CDC42BPA: variants seen among roughly 807,000 people sequenced by gnomAD.
The protein encoded by CDC42BPA is CDC42 binding protein kinase alpha, also known as serine/threonine-protein kinase MRCK alpha.
Under a neutral mutation model 223.5 loss-of-function variants are expected in CDC42BPA, and 80 were observed. The observed-to-expected ratio is 0.36, with a 90% CI of 0.30 to 0.43. The LOEUF is 0.43. Ranked by LOEUF, CDC42BPA falls within the 20% of genes least tolerant of loss-of-function variation. The probability of loss-of-function intolerance (pLI) is 1.00; values close to 1 mark genes in which losing one functional copy is unlikely to be tolerated. For synonymous variants in CDC42BPA, 694 were observed against 718.6 expected (o/e 0.97, Z 0.55); for missense variants, 1,743 against 2,099.9 (o/e 0.83, Z 3.32).
At chr1:227,193,674 T>G (rs1306141317) in intron 5 of CDC42BPA, 112 bp downstream of exon 5, 1 of 881,498 alleles carries the variant, frequency 1.1e-6, no homozygotes, top group Non-Finnish European at 1.7e-6. Flanking sequence ...TTTTTTTTGG[T>G]TGACGATAAA....
intron 2 of CDC42BPA, among the ~76,000 whole-genome samples, chr1:227,232,582 G>A (rs1222010914): frequency 6.6e-6 from 1 of 152,194 alleles, no homozygotes; most frequent in African/African-American, 2.4e-5. Flanking sequence ...GTGATGTACA[G>A]ATGGGGTTTT....
At position 226,994,287 on chromosome 1, in the gene CDC42BPA, C is replaced by T. The variant is rs369792934; in HGVS notation, c.5246G>A (p.Arg1749His). 1.0e-4 allele frequency: 162 copies of T among 1,587,202 alleles called. No homozygotes were observed. Among genetic ancestry groups the T allele is most frequent in the South Asian group, 7.2e-4 (63 of 87,590 alleles). ...GGCAGCTCACGGGTCCCAGCTCCCG[C>T]GGTCAGTGCTCTCCAGGGAGAGGCT... ...TKSLSLESTD[R>H]GSWDP Residue 1749 changes from arginine (R) to histidine (H), a missense_variant, in exon 37 of 37, where the codon CGC (arginine) becomes CAC (histidine). Physicochemically the swap from Arg to His is conservative, Grantham distance 29. Transcript: ENST00000366766. The surrounding 1 kb of genome is among the most constrained non-coding windows in gnomAD (Gnocchi z 4.0).
intron 2 of CDC42BPA, among the ~76,000 whole-genome samples, chr1:227,224,237 T>G (rs1319088126): frequency 1.4e-5 from 1 of 69,472 alleles, no homozygotes; most frequent in Non-Finnish European, 2.9e-5. Flanking sequence ...GTTTCTTCCT[T>G]TTTTTTTTTT....
intron 30 of CDC42BPA, among the ~76,000 whole-genome samples, chr1:227,027,099 A>G (rs1466860376): frequency 6.6e-6 from 1 of 152,150 alleles, no homozygotes; most frequent in Non-Finnish European, 1.5e-5. Flanking sequence ...ACCTAAGACC[A>G]TATTTTTCAG....
intron 2 of CDC42BPA, among the ~76,000 whole-genome samples, chr1:227,249,228 T>A (rs990545928): frequency 2.0e-5 from 3 of 152,200 alleles, no homozygotes; most frequent in Non-Finnish European, 4.4e-5. Context: ...TGGATAACCA[T>A]ATGCAGAAGA....
At chr1:227,079,283 G>A (rs532997505) in intron 17 of CDC42BPA, among the ~76,000 whole-genome samples, 4 of 152,202 alleles carry the variant, frequency 2.6e-5, no homozygotes, top group South Asian at 4.1e-4. Flanking sequence ...TGTATAGTGA[G>A]TGTTTTGTGG....
chr1:227,160,691 G>C (rs1663715112), intron 5 of CDC42BPA, 55 bp from the exon 6 acceptor site: 6 of 943,974 alleles, frequency 6.4e-6, no homozygotes, highest in Non-Finnish European at 9.8e-6. Context: ...TTCATTGTTT[G>C]GTAAGATATT....
chr1:227,137,065 T>C (rs1176126189), intron 10 of CDC42BPA, among the ~76,000 whole-genome samples: 1 of 152,144 alleles, frequency 6.6e-6, no homozygotes. Context: ...TTAAAAGATT[T>C]ATAACACAGA....
chr1:227,005,119 C>T lies in CDC42BPA; in HGVS notation c.4858-8G>A. 1 of 1,585,420 alleles carries T rather than the reference C, an allele frequency of 6.3e-7. No individual in the cohort carries two copies. The highest frequency in any genetic ancestry group is 1.3e-5 in the African/African-American group (1 of 74,454). On this transcript the variant is annotated splice_region_variant and splice_polypyrimidine_tract_variant and intron_variant, in intron 34 of 36. Transcript: ENST00000366766. ...TTCCTGAGGCCGAGGGTTCTATAAA[C>T]AAAAGCGAGAGAGACATCCTTTAGC...
intron 6 of CDC42BPA, among the ~76,000 whole-genome samples, chr1:227,155,031 C>T (rs541303471): frequency 6.6e-6 from 1 of 152,042 alleles, no homozygotes; most frequent in South Asian, 2.1e-4. Flanking sequence ...TGGTTTTGAC[C>T]GAGATATAAC....
At chr1:227,082,744 A>C (rs1680980932) in intron 16 of CDC42BPA, among the ~76,000 whole-genome samples, 1 of 148,656 alleles carries the variant, frequency 6.7e-6, no homozygotes, top group Non-Finnish European at 1.5e-5. Flanking sequence ...AAAAAAAAGA[A>C]TGTAGGTTGT....
At position 227,129,102 on chromosome 1, in the gene CDC42BPA, T is replaced by C. The variant is rs749486997; in HGVS notation, c.1513+7A>G. Reference sequence around the variant, plus strand: ...AATTGAATTAACAGTGAATCACAGATATTTACCTGTTACTTGTTTTCTTAG... The same window carrying C: ...AATTGAATTAACAGTGAATCACAGACATTTACCTGTTACTTGTTTTCTTAG... On this transcript the variant is annotated splice_region_variant and intron_variant, in intron 11 of 36. Coordinates refer to ENST00000366766, the MANE Select transcript of CDC42BPA (RefSeq NM_001394014.1). 3.6e-6 allele frequency: 5 copies of C among 1,392,754 alleles called. No individual in the cohort carries two copies. The African/African-American group carries it at 5.8e-5, about 16-fold the overall frequency. 86.3% of individuals were successfully genotyped at this position (1,392,754 alleles called of 1,614,324 possible). A position where few individuals can be genotyped will look rare whatever the true frequency, so the allele number is the denominator to read the frequency against.
At chr1:227,027,836 T>C (rs7555621) in intron 30 of CDC42BPA, among the ~76,000 whole-genome samples, 29,154 of 152,132 alleles carry the variant, frequency 0.19, 3,154 homozygotes, top group Non-Finnish European at 0.24. Flanking sequence ...ATTCAATGAG[T>C]CTGGGTGTGG....
At chr1:227,106,850 T>C (rs533740137) in intron 14 of CDC42BPA, among the ~76,000 whole-genome samples, 2 of 152,216 alleles carry the variant, frequency 1.3e-5, no homozygotes, top group African/African-American at 4.8e-5. Flanking sequence ...CTTAGTACAT[T>C]TGTCAAAAAT....
intron 21 of CDC42BPA, 109 bp downstream of exon 21, chr1:227,069,668 G>A (rs1263816147): frequency 4.5e-6 from 3 of 672,894 alleles, no homozygotes; most frequent in Non-Finnish European, 5.2e-6. Context: ...TAAGATTCTA[G>A]GTCCTCTGAT....
At chr1:227,285,201 A>G (rs1688629074) in intron 1 of CDC42BPA, among the ~76,000 whole-genome samples, 1 of 152,242 alleles carries the variant, frequency 6.6e-6, no homozygotes, top group South Asian at 2.1e-4. Flanking sequence ...GTCTGGAACT[A>G]TGATTCTTAA....
intron 23 of CDC42BPA, among the ~76,000 whole-genome samples, chr1:227,044,461 A>G (rs1433256747): frequency 6.6e-6 from 1 of 152,218 alleles, no homozygotes; most frequent in Admixed American, 6.5e-5. Context: ...ATACATACAC[A>G]TGGTTGAAAA....
chr1:227,217,941 A>G (rs1448530419), intron 2 of CDC42BPA, among the ~76,000 whole-genome samples: 2 of 152,104 alleles, frequency 1.3e-5, no homozygotes, highest in African/African-American at 4.8e-5. Flanking sequence ...TATGTATTCT[A>G]TTTAAGTACT....
chr1:226,993,158 G>A lies in CDC42BPA; in HGVS notation c.*1110C>T, dbSNP rs1367454175. 3.3e-5 allele frequency: 5 copies of A among 152,262 alleles called. No homozygotes were observed. Among genetic ancestry groups the A allele is most frequent in the Non-Finnish European group, 4.4e-5 (3 of 68,046 alleles). The allele number at this position is 152,262 out of a possible 1,614,324, so 9.4% of individuals were successfully genotyped here. A position where few individuals can be genotyped will look rare whatever the true frequency, so the allele number is the denominator to read the frequency against. On this transcript the variant is annotated 3_prime_UTR_variant, in exon 37 of 37. Transcript: ENST00000366766. ...AGCCCTGGGACAGACACCTCGCTGT[G>A]ACTTAGGGAGGGACAGGATTAGCCC...
Sources: allele counts gnomAD v4.1 joint callset (sites outside exome capture counted in the v4.1 genomes callset), GRCh38; gene constraint gnomAD v4.1.1; non-coding constraint Gnocchi (gnomAD v3.1); transcripts MANE v1.5; gene names NCBI Gene and HGNC (gene_info 2026-07-23, HGNC 2026-07-21).